LRRC4C: variants seen among roughly 807,000 people sequenced by gnomAD.
The protein encoded by LRRC4C is leucine rich repeat containing 4C, also known as leucine-rich repeat-containing protein 4C.
In LRRC4C, 5 loss-of-function variants were observed where a neutral mutation model predicts 33.6. That is an observed-to-expected ratio of 0.15 (90% confidence interval 0.08 to 0.31). The LOEUF (loss-of-function observed/expected upper bound fraction) is 0.31, where lower values mean the gene tolerates loss of function less well. Ranked by LOEUF, LRRC4C falls within the 10% of genes least tolerant of loss-of-function variation. The probability of loss-of-function intolerance (pLI) is 1.00; values close to 1 mark genes in which losing one functional copy is unlikely to be tolerated. For missense variants in LRRC4C, 560 were observed against 796.7 expected (o/e 0.70, Z 3.58); for synonymous variants, 329 against 302.0 (o/e 1.09, Z -0.93).
chr11:41,185,072 C>T (rs1945631572), intron 1 of LRRC4C, among the ~76,000 whole-genome samples: 1 of 152,068 alleles, frequency 6.6e-6, no homozygotes, highest in South Asian at 2.1e-4. Context: ...CCACTGGGTC[C>T]TTCCCATGAC....
intron 1 of LRRC4C, among the ~76,000 whole-genome samples, chr11:41,329,309 C>T (rs1021211237): frequency 2.6e-5 from 4 of 152,218 alleles, no homozygotes; most frequent in Non-Finnish European, 5.9e-5. Flanking sequence ...GATCTCCCTC[C>T]TGAGCTCAAG....
intron 3 of LRRC4C, among the ~76,000 whole-genome samples, chr11:40,530,718 G>A (rs943356567): frequency 6.6e-6 from 1 of 152,134 alleles, no homozygotes; most frequent in African/African-American, 2.4e-5. Context: ...CCATGAATGA[G>A]ATAAGGCCCC....
chr11:40,922,774 T>C lies in LRRC4C; in HGVS notation c.-407+10861A>G, dbSNP rs1029808232. On this transcript the variant is annotated intron_variant, in intron 2 of 6. Transcript: ENST00000528697. ...TGCAAGGGCAGTAATATATCAGTGA[T>C]AGTTGATTGTGTTGGGTAGTATAGG... 4.6e-5 allele frequency among the ~76,000 whole-genome samples: 7 copies of C among 152,242 alleles called. No individual in the cohort carries two copies. The East Asian group carries it at 7.7e-4, about 17-fold the overall frequency.
intron 2 of LRRC4C, among the ~76,000 whole-genome samples, chr11:40,913,152 A>C (rs1035418698): frequency 1.3e-5 from 2 of 152,190 alleles, no homozygotes; most frequent in Non-Finnish European, 2.9e-5. Context: ...ACAGAAAGTC[A>C]ACAAGGATAC....
chr11:40,590,574 C>G (rs374375957), intron 3 of LRRC4C, among the ~76,000 whole-genome samples: 1 of 135,804 alleles, frequency 7.4e-6, no homozygotes, highest in African/African-American at 2.8e-5. Flanking sequence ...GAGTTTCCAG[C>G]TTTTCTGTTC....
In LRRC4C at chr11:40,965,898, C is replaced by T. The variant is rs533501112; in HGVS notation, c.-495-32175G>A. 4.6e-5 allele frequency among the ~76,000 whole-genome samples: 7 copies of T among 152,138 alleles called. No individual in the cohort carries two copies. The South Asian group carries it at 1.5e-3, about 32-fold the overall frequency. On this transcript the variant is annotated intron_variant, in intron 1 of 6. Coordinates refer to ENST00000528697, the MANE Select transcript of LRRC4C (RefSeq NM_001258419.2). ...AATTTTAAAGTAGTTTTTTCCAATT[C>T]TGTGAAGAAAGTCATTGGTAGCTTG...
intron 3 of LRRC4C, among the ~76,000 whole-genome samples, chr11:40,383,699 TA>T (rs1288115038): frequency 1.3e-5 from 2 of 151,962 alleles, no homozygotes; most frequent in East Asian, 1.9e-4. Flanking sequence ...TTTATTTATT[TA>T]TTTTTTTAAT....
chr11:40,886,934 G>A (rs1237889907), intron 2 of LRRC4C, among the ~76,000 whole-genome samples: 3 of 146,626 alleles, frequency 2.0e-5, no homozygotes, highest in Non-Finnish European at 3.0e-5. Context: ...ATATATATAC[G>A]TGTACGTATA....
At chr11:40,385,828 T>A (rs1008642416) in intron 3 of LRRC4C, among the ~76,000 whole-genome samples, 4 of 148,446 alleles carry the variant, frequency 2.7e-5, no homozygotes. Flanking sequence ...GATCGTGCCA[T>A]TGTACTCCAG....
At chr11:40,604,571 T>G (rs1960365612) in intron 3 of LRRC4C, among the ~76,000 whole-genome samples, 1 of 152,118 alleles carries the variant, frequency 6.6e-6, no homozygotes, top group Non-Finnish European at 1.5e-5. Flanking sequence ...GTTTATTTGA[T>G]ACTTCTTGGC....
At chr11:40,726,496 C>T (rs74845170) in intron 2 of LRRC4C, among the ~76,000 whole-genome samples, 47 of 152,062 alleles carry the variant, frequency 3.1e-4, no homozygotes, top group African/African-American at 1.1e-3. Context: ...ATTGGTTCAA[C>T]ATAGAAAAAA....
chr11:40,142,757 G>A lies in LRRC4C; in HGVS notation c.-95-1904C>T, dbSNP rs77014072. On this transcript the variant is annotated intron_variant, in intron 5 of 6. Transcript: ENST00000528697. ...TTTATCTATACTCACTCTCTAGGTG[G>A]TCGTATAATGCTTTTAAACACCATC... 3.9e-3 allele frequency among the ~76,000 whole-genome samples: 588 copies of A among 152,012 alleles called. 6 individuals carry two copies. Among genetic ancestry groups the A allele is most frequent in the African/African-American group, 0.012 (511 of 41,450 alleles).
chr11:40,841,473 C>T (rs991650182), intron 2 of LRRC4C, among the ~76,000 whole-genome samples: 4 of 152,122 alleles, frequency 2.6e-5, no homozygotes, highest in Non-Finnish European at 5.9e-5. Flanking sequence ...CCTGAACTGA[C>T]AAGGTTAGTG....
At chr11:41,110,723 C>T (rs1941780775) in intron 1 of LRRC4C, among the ~76,000 whole-genome samples, 2 of 151,922 alleles carry the variant, frequency 1.3e-5, no homozygotes, top group African/African-American at 4.8e-5. Flanking sequence ...CTTCTTGACT[C>T]TTCAGTCACG....
At chr11:40,491,256 G>T (rs1032318372) in intron 3 of LRRC4C, among the ~76,000 whole-genome samples, 1 of 152,144 alleles carries the variant, frequency 6.6e-6, no homozygotes, top group African/African-American at 2.4e-5. Context: ...CTACACTCCA[G>T]CCTGGGCAAT....
At chr11:41,392,986 T>C (rs533442200) in intron 1 of LRRC4C, among the ~76,000 whole-genome samples, 1 of 151,864 alleles carries the variant, frequency 6.6e-6, no homozygotes, top group African/African-American at 2.4e-5. Flanking sequence ...TATGACAATA[T>C]ACCTGTTTTA....
intron 3 of LRRC4C, among the ~76,000 whole-genome samples, chr11:40,465,429 G>C (rs1423499669): frequency 4.0e-5 from 6 of 151,846 alleles, no homozygotes; most frequent in Admixed American, 2.0e-4. Flanking sequence ...GACCCTAAAA[G>C]CAAATGCAAC....
At chr11:40,968,378 T>C (rs372200563) in intron 1 of LRRC4C, among the ~76,000 whole-genome samples, 1 of 152,138 alleles carries the variant, frequency 6.6e-6, no homozygotes, top group African/African-American at 2.4e-5. Flanking sequence ...GTAGAAGCTG[T>C]GGCAAGTTAT....
chr11:41,112,773 A>G (rs757873745), intron 1 of LRRC4C, among the ~76,000 whole-genome samples: 1 of 152,102 alleles, frequency 6.6e-6, no homozygotes, highest in Non-Finnish European at 1.5e-5. Flanking sequence ...AAATCTGAGT[A>G]AAAAGAGAGT....
Sources: allele counts gnomAD v4.1 joint callset (sites outside exome capture counted in the v4.1 genomes callset), GRCh38; gene constraint gnomAD v4.1.1; transcripts MANE v1.5; gene names NCBI Gene and HGNC (gene_info 2026-07-23, HGNC 2026-07-21).